Variants in TMEM232 observed in about 807,000 individuals in gnomAD.
TMEM232 encodes transmembrane protein 232.
Under a neutral mutation model 78.8 loss-of-function variants are expected in TMEM232, and 80 were observed. That is an observed-to-expected ratio of 1.01 (90% CI 0.85 to 1.22). TMEM232 has a LOEUF of 1.22. TMEM232 is among the 50% of genes most tolerant of loss of function. The probability of loss-of-function intolerance (pLI) is 0.00; values close to 1 mark genes in which losing one functional copy is unlikely to be tolerated. For synonymous variants in TMEM232, 297 were observed against 254.3 expected, an observed-to-expected ratio of 1.17 and a Z score of -1.60; for missense variants, 881 against 742.2, an observed-to-expected ratio of 1.19 and a Z score of -2.17.
intron 5 of TMEM232, among the ~76,000 whole-genome samples, chr5:110,630,907 C>G (rs1193176121): frequency 6.6e-6 from 1 of 152,092 alleles, no homozygotes; most frequent in Non-Finnish European, 1.5e-5. Context: ...TTTCCTGACA[C>G]TAACGTGGAC....
chr5:110,669,810 T>C (rs935941313), intron 1 of TMEM232, among the ~76,000 whole-genome samples: 10 of 152,218 alleles, frequency 6.6e-5, no homozygotes, highest in Admixed American at 6.5e-4. Context: ...ATCACTGGGA[T>C]GCAAGGCTGG....
intron 12 of TMEM232, among the ~76,000 whole-genome samples, chr5:110,513,257 C>T (rs760947453): frequency 3.9e-5 from 6 of 152,080 alleles, no homozygotes; most frequent in Non-Finnish European, 7.4e-5. Context: ...TCCAATAGCA[C>T]TTCAATGTCA....
intron 10 of TMEM232, among the ~76,000 whole-genome samples, 187 bp from the exon 11 acceptor site, chr5:110,568,812 A>G (rs907948937): frequency 6.6e-6 from 1 of 151,950 alleles, no homozygotes; most frequent in Non-Finnish European, 1.5e-5. Flanking sequence ...CAGATCACAG[A>G]TCATTTTAAA....
intron 12 of TMEM232, among the ~76,000 whole-genome samples, chr5:110,439,393 G>T (rs1226554718): frequency 6.6e-6 from 1 of 152,058 alleles, no homozygotes; most frequent in Non-Finnish European, 1.5e-5. Context: ...TAGAGATGCA[G>T]TCTGCTCACT....
chr5:110,507,004 A>C (rs556865692), intron 12 of TMEM232, among the ~76,000 whole-genome samples: 53 of 152,264 alleles, frequency 3.5e-4, no homozygotes, highest in African/African-American at 1.2e-3. Flanking sequence ...ACTTTGAAAT[A>C]CAAGGCTAAA....
At chr5:110,459,349 A>G (rs911108148) in intron 12 of TMEM232, among the ~76,000 whole-genome samples, 3 of 152,160 alleles carry the variant, frequency 2.0e-5, no homozygotes, top group Non-Finnish European at 4.4e-5. Flanking sequence ...AAGTCTCACA[A>G]AACTTCAAAG....
upstream of TMEM232, chr5:110,738,109 A>T: frequency 1.6e-6 from 1 of 642,966 alleles, no homozygotes; most frequent in Non-Finnish European, 2.2e-6. Context: ...CGAGAACTGC[A>T]CGTCAGAGTT....
chr5:110,707,773 A>G (rs1450729681), intron 1 of TMEM232, among the ~76,000 whole-genome samples: 1 of 152,220 alleles, frequency 6.6e-6, no homozygotes, highest in East Asian at 1.9e-4. Context: ...GCTTAAGAAC[A>G]GGAGAGTGAA....
chr5:110,541,727 C>T (rs1438551556), intron 11 of TMEM232, among the ~76,000 whole-genome samples: 1 of 152,116 alleles, frequency 6.6e-6, no homozygotes, highest in Non-Finnish European at 1.5e-5. Flanking sequence ...CATAATACCC[C>T]TAGAGCAAAA....
At chr5:110,605,559 A>G (rs373189612) in intron 9 of TMEM232, among the ~76,000 whole-genome samples, 1 of 152,196 alleles carries the variant, frequency 6.6e-6, no homozygotes, top group Non-Finnish European at 1.5e-5. Flanking sequence ...ATAATTATAT[A>G]TAGAACAACT....
intron 12 of TMEM232, among the ~76,000 whole-genome samples, chr5:110,432,044 C>CTA (rs1757916169): frequency 6.6e-6 from 1 of 151,570 alleles, no homozygotes; most frequent in African/African-American, 2.4e-5. Flanking sequence ...TAAGTGAAGT[C>CTA]CAGATGCAAC....
intron 4 of TMEM232, among the ~76,000 whole-genome samples, chr5:110,390,010 C>T (rs1390629047): frequency 6.6e-6 from 1 of 152,148 alleles, no homozygotes; most frequent in African/African-American, 2.4e-5. Context: ...ACGGATCATC[C>T]TGTGAGAGAG....
At chr5:110,654,440 G>T (rs1788748557) in intron 2 of TMEM232, among the ~76,000 whole-genome samples, 1 of 152,188 alleles carries the variant, frequency 6.6e-6, no homozygotes, top group Non-Finnish European at 1.5e-5. Context: ...TCTCAGGTTT[G>T]TCAAAGATCA....
intron 1 of TMEM232, among the ~76,000 whole-genome samples, chr5:110,702,054 C>T (rs773216545): frequency 3.3e-5 from 5 of 151,888 alleles, no homozygotes; most frequent in Non-Finnish European, 7.4e-5. Flanking sequence ...AGCTGGCTAC[C>T]CTAGCTGGAT....
At chr5:110,593,137 T>G (rs1779730228) in intron 10 of TMEM232, among the ~76,000 whole-genome samples, 1 of 152,170 alleles carries the variant, frequency 6.6e-6, no homozygotes, top group Non-Finnish European at 1.5e-5. Context: ...TAGTTGTCCA[T>G]AATGTATGGC....
chr5:110,732,350 C>A (rs1446181692), intron 2 of TMEM232, among the ~76,000 whole-genome samples: 1 of 152,204 alleles, frequency 6.6e-6, no homozygotes, highest in Non-Finnish European at 1.5e-5. Context: ...ATCTTTTCAG[C>A]AACGTCCTAC....
At chr5:110,504,293 G>A (rs949351080) in intron 12 of TMEM232, among the ~76,000 whole-genome samples, 5 of 152,134 alleles carry the variant, frequency 3.3e-5, no homozygotes, top group African/African-American at 7.2e-5. Context: ...TTTTAATATA[G>A]CTACTTGAGC....
intron 12 of TMEM232, among the ~76,000 whole-genome samples, chr5:110,458,950 T>C (rs1347278398): frequency 6.6e-6 from 1 of 152,162 alleles, no homozygotes; most frequent in Non-Finnish European, 1.5e-5. Context: ...ATTTTTTTCT[T>C]CTTACTTTCA....
At chr5:110,473,159 C>T (rs928051861) in intron 12 of TMEM232, among the ~76,000 whole-genome samples, 1 of 151,210 alleles carries the variant, frequency 6.6e-6, no homozygotes, top group African/African-American at 2.4e-5. Context: ...GACAACCTGT[C>T]GAATGGGAGA....
Sources: allele counts gnomAD v4.1 joint callset (sites outside exome capture counted in the v4.1 genomes callset), GRCh38; gene constraint gnomAD v4.1.1; transcripts MANE v1.5; gene names NCBI Gene and HGNC (gene_info 2026-07-23, HGNC 2026-07-21).